The following PTPRD variants were observed in gnomAD, a reference collection of about 807,000 sequenced individuals.
PTPRD encodes the protein receptor-type tyrosine-protein phosphatase delta.
PTPRD carries 34 observed loss-of-function variants against 214.5 expected under a neutral mutation model. The observed-to-expected ratio is 0.16, with a 90% CI of 0.12 to 0.21. The LOEUF (loss-of-function observed/expected upper bound fraction) is 0.21. PTPRD is among the 10% of genes least tolerant of loss of function. The pLI is 1.00. For synonymous variants in PTPRD, 1,128 were observed against 845.7 expected (o/e 1.33, Z -5.79); for missense variants, 2,545 against 2,398.7 (o/e 1.06, Z -1.27).
At chr9:9,528,278 C>G (rs1436003143) in intron 8 of PTPRD, among the ~76,000 whole-genome samples, 3 of 152,026 alleles carry the variant, frequency 2.0e-5, no homozygotes, top group Non-Finnish European at 4.4e-5. Flanking sequence ...AAGAAAGAAG[C>G]AAGTAAAAAT....
At chr9:9,647,829 G>T (rs2096235359) in intron 7 of PTPRD, among the ~76,000 whole-genome samples, 1 of 152,144 alleles carries the variant, frequency 6.6e-6, no homozygotes, top group Admixed American at 6.5e-5. Flanking sequence ...CTCCCTGAGA[G>T]AAATTTAAAA....
chr9:9,953,991 A>G (rs1336769752), intron 4 of PTPRD, among the ~76,000 whole-genome samples: 1 of 152,028 alleles, frequency 6.6e-6, no homozygotes, highest in Non-Finnish European at 1.5e-5. Context: ...CTCTAGGTAT[A>G]TAGGGCACTT....
At chr9:9,797,013 G>T (rs903466148) in intron 5 of PTPRD, among the ~76,000 whole-genome samples, 3 of 152,136 alleles carry the variant, frequency 2.0e-5, no homozygotes, top group African/African-American at 7.2e-5. Flanking sequence ...AGAGATGGAA[G>T]ATTGAACATA....
intron 12 of PTPRD, among the ~76,000 whole-genome samples, chr9:8,651,942 T>A (rs1355752232): frequency 3.3e-5 from 5 of 152,178 alleles, no homozygotes; most frequent in African/African-American, 7.2e-5. Context: ...CTAATTTGTA[T>A]CCCCAGGCAG....
At chr9:8,421,472 A>C (rs756363555) in intron 35 of PTPRD, among the ~76,000 whole-genome samples, 36 of 152,262 alleles carry the variant, frequency 2.4e-4, no homozygotes, top group East Asian at 1.7e-3. Flanking sequence ...TAAACGAGAC[A>C]CCATGAAGAA....
chr9:10,017,767 T>C (rs1274107432), intron 4 of PTPRD, among the ~76,000 whole-genome samples: 2 of 152,168 alleles, frequency 1.3e-5, no homozygotes, highest in Admixed American at 1.3e-4. Flanking sequence ...ATTTTCTTAT[T>C]ATATTTATTT....
At chr9:8,990,100 G>C (rs1414094663) in intron 11 of PTPRD, among the ~76,000 whole-genome samples, 1 of 152,068 alleles carries the variant, frequency 6.6e-6, no homozygotes, top group Non-Finnish European at 1.5e-5. Context: ...TATTTGTTAA[G>C]CAAACTTAAC....
chr9:9,443,094 G>T (rs1324891403), intron 8 of PTPRD, among the ~76,000 whole-genome samples: 1 of 151,970 alleles, frequency 6.6e-6, no homozygotes, highest in African/African-American at 2.4e-5. Flanking sequence ...CATCACAGAA[G>T]AAAATTGAAC....
At chr9:8,734,250 G>C (rs2098692859) in intron 11 of PTPRD, among the ~76,000 whole-genome samples, 1 of 152,132 alleles carries the variant, frequency 6.6e-6, no homozygotes, top group Non-Finnish European at 1.5e-5. Flanking sequence ...TTTGGGCAAA[G>C]ACCTAAAAAA....
At chr9:8,869,410 A>AAAT (rs1480943766) in intron 11 of PTPRD, among the ~76,000 whole-genome samples, 1 of 152,140 alleles carries the variant, frequency 6.6e-6, no homozygotes, top group Non-Finnish European at 1.5e-5. Context: ...GGTACTTTAT[A>AAAT]AGTCACAGAG....
At chr9:8,738,453 T>C (rs928000340) in intron 11 of PTPRD, among the ~76,000 whole-genome samples, 4 of 152,118 alleles carry the variant, frequency 2.6e-5, no homozygotes, top group African/African-American at 9.7e-5. Flanking sequence ...TAGAGTCCCT[T>C]AGAAAATGGC....
At chr9:10,209,813 T>A (rs1467661291) in intron 3 of PTPRD, among the ~76,000 whole-genome samples, 1 of 152,048 alleles carries the variant, frequency 6.6e-6, no homozygotes, top group Non-Finnish European at 1.5e-5. Flanking sequence ...ATTTTCTACA[T>A]CAAAAAAGGG....
At chr9:8,685,531 T>C (rs1485158669) in intron 12 of PTPRD, among the ~76,000 whole-genome samples, 1 of 152,136 alleles carries the variant, frequency 6.6e-6, no homozygotes. Context: ...AACAAACACA[T>C]CAGGAACAGT....
chr9:10,429,261 GA>G (rs1230553009), intron 2 of PTPRD, among the ~76,000 whole-genome samples: 1 of 151,650 alleles, frequency 6.6e-6, no homozygotes, highest in Non-Finnish European at 1.5e-5. Context: ...AGCCACTATG[GA>G]AAAAAAGTAT....
intron 10 of PTPRD, among the ~76,000 whole-genome samples, chr9:9,168,332 A>G (rs1376645733): frequency 6.6e-6 from 1 of 152,028 alleles, no homozygotes; most frequent in Non-Finnish European, 1.5e-5. Context: ...CTTTTTTAAC[A>G]TTTATTCATT....
chr9:9,743,773 T>C (rs2098430494), intron 6 of PTPRD, among the ~76,000 whole-genome samples: 1 of 56,732 alleles, frequency 1.8e-5, no homozygotes, highest in Admixed American at 1.8e-4. Context: ...CACACACAAT[T>C]TATACTGACT....
intron 11 of PTPRD, among the ~76,000 whole-genome samples, chr9:8,941,770 C>T (rs1046669628): frequency 1.3e-5 from 2 of 151,242 alleles, no homozygotes; most frequent in Non-Finnish European, 1.5e-5. Context: ...AGTTGGTTAA[C>T]GTAAAACAGA....
intron 7 of PTPRD, among the ~76,000 whole-genome samples, chr9:9,619,513 T>C (rs1009828296): frequency 6.9e-6 from 1 of 145,432 alleles, no homozygotes; most frequent in Non-Finnish European, 1.5e-5. Context: ...ATTATATAAA[T>C]ATAATATATA....
intron 3 of PTPRD, among the ~76,000 whole-genome samples, chr9:10,262,041 A>G (rs2154376373): frequency 6.6e-6 from 1 of 152,274 alleles, no homozygotes. Context: ...GAAGATAATC[A>G]AAGGCCGAAG....
Sources: allele counts gnomAD v4.1 joint callset (sites outside exome capture counted in the v4.1 genomes callset), GRCh38; gene constraint gnomAD v4.1.1; transcripts MANE v1.5; gene names NCBI Gene and HGNC (gene_info 2026-07-23, HGNC 2026-07-21).